CEP63: variants seen among roughly 807,000 people sequenced by gnomAD.
CEP63 encodes the protein centrosomal protein 63.
In CEP63, 84 loss-of-function variants were observed where a neutral mutation model predicts 89.1. That is an observed-to-expected ratio of 0.94 (90% CI 0.79 to 1.13). The LOEUF (loss-of-function observed/expected upper bound fraction) is 1.13. Among genes scored for constraint, CEP63 ranks in the 50% most tolerant of loss-of-function variants. CEP63 has a pLI of 0.00. For missense variants in CEP63, 838 were observed against 813.3 expected, an observed-to-expected ratio of 1.03 and a Z score of -0.37; for synonymous variants, 267 against 272.5, an observed-to-expected ratio of 0.98 and a Z score of 0.20.
chr3:134,648,927 A>T, the CEP63 span, among the ~76,000 whole-genome samples: 3 of 152,182 alleles, frequency 2.0e-5, no homozygotes, highest in Admixed American at 2.0e-4. Flanking sequence ...GAAGTGAGCA[A>T]GAGTTTGTTT....
At chr3:134,601,976 C>G in the CEP63 span, among the ~76,000 whole-genome samples, 1 of 144,150 alleles carries the variant, frequency 6.9e-6, no homozygotes, top group African/African-American at 2.6e-5. Flanking sequence ...GCCCAAGCAT[C>G]TGGTACTTCT....
the CEP63 span, among the ~76,000 whole-genome samples, chr3:134,768,194 C>A: frequency 6.6e-6 from 1 of 152,152 alleles, no homozygotes; most frequent in Non-Finnish European, 1.5e-5. Flanking sequence ...CAGAAATAGG[C>A]AGGGACATGA....
chr3:134,613,413 A>G, the CEP63 span, among the ~76,000 whole-genome samples: 1 of 152,312 alleles, frequency 6.6e-6, no homozygotes, highest in Non-Finnish European at 1.5e-5. Flanking sequence ...CCTGGAAAGG[A>G]GAGCAGGAGG....
the CEP63 span, among the ~76,000 whole-genome samples, chr3:134,617,986 G>A: frequency 6.6e-6 from 1 of 152,166 alleles, no homozygotes; most frequent in Non-Finnish European, 1.5e-5. Flanking sequence ...CAGGCAGCAG[G>A]AGGTATGCTT....
At chr3:134,619,044 A>T in the CEP63 span, 3 of 912,602 alleles carry the variant, frequency 3.3e-6, no homozygotes, top group Non-Finnish European at 5.4e-6. Flanking sequence ...CAGAGTTTGT[A>T]AACTCAGGTT....
At chr3:134,762,515 AG>A in the CEP63 span, among the ~76,000 whole-genome samples, 1 of 152,178 alleles carries the variant, frequency 6.6e-6, no homozygotes, top group East Asian at 1.9e-4. Flanking sequence ...AAGGTATTCA[AG>A]TTAAAATGAG....
At chr3:134,726,265 C>T in the CEP63 span, among the ~76,000 whole-genome samples, 3 of 152,246 alleles carry the variant, frequency 2.0e-5, no homozygotes, top group East Asian at 5.8e-4. Flanking sequence ...CACCTCGTGC[C>T]GGCCTCAGGC....
At chr3:134,664,897 CT>C in the CEP63 span, among the ~76,000 whole-genome samples, 3 of 152,292 alleles carry the variant, frequency 2.0e-5, no homozygotes, top group African/African-American at 2.4e-5. Flanking sequence ...TCTGTTTCCC[CT>C]ATCCCCCAGT....
intron 3 of CEP63, among the ~76,000 whole-genome samples, chr3:134,513,171 T>G (rs1169046531): frequency 3.3e-5 from 5 of 152,226 alleles, no homozygotes; most frequent in Non-Finnish European, 5.9e-5. Flanking sequence ...CCCTTCATCA[T>G]TATTCTGGAG....
At chr3:134,645,882 ACTT>A in the CEP63 span, among the ~76,000 whole-genome samples, 6 of 152,162 alleles carry the variant, frequency 3.9e-5, no homozygotes, top group Non-Finnish European at 8.8e-5. Context: ...TTTCCACTAA[ACTT>A]CTCCCAAATC....
the CEP63 span, among the ~76,000 whole-genome samples, chr3:134,758,057 G>A: frequency 6.6e-6 from 1 of 152,168 alleles, no homozygotes; most frequent in Non-Finnish European, 1.5e-5. Context: ...TATCTAAGGT[G>A]CCCACCCTGC....
At chr3:134,740,924 C>CCTTTCATCTTGTTT in the CEP63 span, among the ~76,000 whole-genome samples, 1 of 152,096 alleles carries the variant, frequency 6.6e-6, no homozygotes, top group Admixed American at 6.5e-5. Flanking sequence ...ACATTTTGCT[C>CCTTTCATCTTGTTT]CTTTCATCTT....
At chr3:134,638,224 C>T in the CEP63 span, among the ~76,000 whole-genome samples, 2 of 152,214 alleles carry the variant, frequency 1.3e-5, no homozygotes, top group Non-Finnish European at 2.9e-5. Flanking sequence ...CACAATATAG[C>T]TTTATGCTTC....
the CEP63 span, among the ~76,000 whole-genome samples, chr3:134,627,526 T>TTTATACTTTAGCTTTAGG: frequency 6.6e-6 from 1 of 152,264 alleles, no homozygotes; most frequent in African/African-American, 2.4e-5. Context: ...ATTGGTGGGG[T>TTTATACTTTAGCTTTAGG]TTATACTTTA....
the CEP63 span, among the ~76,000 whole-genome samples, chr3:134,666,535 G>A: frequency 1.3e-5 from 2 of 152,152 alleles, no homozygotes; most frequent in Non-Finnish European, 1.5e-5. Flanking sequence ...GCCAGGGCAC[G>A]AGGTGCTCTG....
the CEP63 span, among the ~76,000 whole-genome samples, chr3:134,630,838 A>G: frequency 1.3e-5 from 2 of 152,228 alleles, no homozygotes; most frequent in African/African-American, 4.8e-5. Context: ...CCACAATAAC[A>G]TGCCCTAACA....
intron 2 of CEP63, among the ~76,000 whole-genome samples, chr3:134,501,182 T>C (rs113852152): frequency 0.016 from 2,470 of 152,322 alleles, 55 homozygotes; most frequent in African/African-American, 0.055. Flanking sequence ...CTCTGTTTTG[T>C]TCCATTGGTC....
At chr3:134,518,889 T>C (rs1040443581) in intron 3 of CEP63, among the ~76,000 whole-genome samples, 1 of 151,932 alleles carries the variant, frequency 6.6e-6, no homozygotes, top group Non-Finnish European at 1.5e-5. Context: ...ATTAATTAAA[T>C]TGATAACCTT....
At chr3:134,582,262 G>A (rs1389935806) in intron 10 of CEP63, among the ~76,000 whole-genome samples, 2 of 152,124 alleles carry the variant, frequency 1.3e-5, no homozygotes, top group Non-Finnish European at 2.9e-5. Context: ...CATGTGCCAT[G>A]TTGGTTTGCT....
Sources: gnomAD v4.1 joint callset for allele counts (sites outside exome capture counted in the v4.1 genomes callset) on GRCh38, gnomAD v4.1.1 for gene constraint, MANE v1.5 for transcripts, NCBI Gene and HGNC (gene_info 2026-07-23, HGNC 2026-07-21) for gene names.